RARB: variants seen among roughly 807,000 people sequenced by gnomAD.
The protein encoded by RARB is retinoic acid receptor beta, also known as HBV-activated protein.
A neutral mutation model predicts 51.9 loss-of-function variants in RARB; 17 were observed. The ratio of observed to expected loss-of-function variants is 0.33; its 90% CI spans 0.22 to 0.49. RARB has a LOEUF of 0.49. RARB is among the 20% of genes least tolerant of loss of function. The pLI, the probability that RARB is intolerant of heterozygous loss-of-function variation, is 0.99. For synonymous variants in RARB, 215 were observed against 195.4 expected, an observed-to-expected ratio of 1.10 and a Z score of -0.84; for missense variants, 369 against 550.8, an observed-to-expected ratio of 0.67 and a Z score of 3.30.
chr3:24,935,643 G>C (rs58790290), intron 2 of RARB, among the ~76,000 whole-genome samples: 27 of 152,134 alleles, frequency 1.8e-4, no homozygotes, highest in Non-Finnish European at 2.9e-4. Flanking sequence ...GACGTAGAAG[G>C]CACTGCCATA....
chr3:25,294,463 A>G (rs756867197), intron 5 of RARB, among the ~76,000 whole-genome samples: 9 of 152,314 alleles, frequency 5.9e-5, no homozygotes, highest in Non-Finnish European at 8.8e-5. Flanking sequence ...AGTTGGTCAT[A>G]CAGTTGATGT....
intron 2 of RARB, among the ~76,000 whole-genome samples, chr3:25,473,075 T>C (rs1695776254): frequency 6.6e-6 from 1 of 152,230 alleles, no homozygotes; most frequent in Non-Finnish European, 1.5e-5. Context: ...ACGCAATGCT[T>C]ATGTCCTGAA....
At chr3:25,016,945 T>A (rs9818222) in intron 2 of RARB, among the ~76,000 whole-genome samples, 20,690 of 152,108 alleles carry the variant, frequency 0.14, 1,905 homozygotes, top group African/African-American at 0.26. Context: ...TTAAAAGATT[T>A]TAGGAGAAGT....
At chr3:25,410,722 C>T (rs1707539312) in intron 5 of RARB, among the ~76,000 whole-genome samples, 1 of 152,210 alleles carries the variant, frequency 6.6e-6, no homozygotes, top group Admixed American at 6.5e-5. Context: ...CTCTATGCAG[C>T]TTTTTGTCCA....
intron 1 of RARB, among the ~76,000 whole-genome samples, chr3:25,433,169 T>A (rs1239024904): frequency 6.6e-6 from 1 of 152,204 alleles, no homozygotes; most frequent in African/African-American, 2.4e-5. Flanking sequence ...GCCTTTCAAA[T>A]TACAGGGTAG....
In RARB at chr3:25,268,085, C is replaced by A. The variant is rs150878233; in HGVS notation, c.178+93510C>A. ...AGATTTGTAAATAAAATTTTATAATCTTCCCAAACAAAAAAAGTGCTTGAG... is the reference window on the plus strand; with the variant it reads ...AGATTTGTAAATAAAATTTTATAATATTCCCAAACAAAAAAAGTGCTTGAG... On this transcript the variant is annotated intron_variant, in intron 5 of 11. Coordinates refer to the RARB transcript ENST00000383772. Among the ~76,000 whole-genome samples, 291 of 152,234 alleles carry A rather than the reference C, an allele frequency of 1.9e-3. 1 individual carries two copies. Among genetic ancestry groups the A allele is most frequent in the African/African-American group, 6.8e-3 (282 of 41,542 alleles).
chr3:25,077,558 A>G (rs962116178), intron 3 of RARB, among the ~76,000 whole-genome samples: 32 of 152,144 alleles, frequency 2.1e-4, no homozygotes, highest in Admixed American at 1.2e-3. Flanking sequence ...TGGTACTAAT[A>G]TATCTCTATT....
chr3:24,831,742 C>T (rs542029278), intron 1 of RARB, among the ~76,000 whole-genome samples: 4 of 151,820 alleles, frequency 2.6e-5, no homozygotes, highest in Non-Finnish European at 2.9e-5. Flanking sequence ...CAAATTTAAC[C>T]TACTTTAGGC....
chr3:25,174,972 T>A (rs1700715188), intron 5 of RARB, among the ~76,000 whole-genome samples: 1 of 152,214 alleles, frequency 6.6e-6, no homozygotes, highest in Non-Finnish European at 1.5e-5. Context: ...GGTTGTGAGA[T>A]CTTCTCTGAA....
intron 3 of RARB, among the ~76,000 whole-genome samples, chr3:25,536,174 A>T (rs1178416312): frequency 1.3e-5 from 2 of 152,210 alleles, no homozygotes; most frequent in African/African-American, 4.8e-5. Flanking sequence ...GTTGATAGGG[A>T]AACAAAAAAA....
chr3:25,138,897 C>T (rs1016799636), intron 4 of RARB, among the ~76,000 whole-genome samples: 1 of 152,128 alleles, frequency 6.6e-6, no homozygotes, highest in African/African-American at 2.4e-5. Context: ...TCTGTTAGCA[C>T]TGTTTCCAGC....
At chr3:24,868,604 C>G (rs1347274829) in intron 2 of RARB, among the ~76,000 whole-genome samples, 1 of 152,050 alleles carries the variant, frequency 6.6e-6, no homozygotes, top group Non-Finnish European at 1.5e-5. Flanking sequence ...TTGGACTTGC[C>G]TCATTATATC....
intron 5 of RARB, among the ~76,000 whole-genome samples, chr3:25,296,918 T>C (rs1023460208): frequency 1.4e-4 from 22 of 152,304 alleles, no homozygotes; most frequent in African/African-American, 4.1e-4. Flanking sequence ...TGAGAAGATA[T>C]GCCTTCAGTG....
intron 2 of RARB, among the ~76,000 whole-genome samples, chr3:24,940,129 G>C (rs2125399451): frequency 6.6e-6 from 1 of 152,310 alleles, no homozygotes; most frequent in Admixed American, 6.5e-5. Flanking sequence ...ATTGTTGGCA[G>C]TAATCTAGAC....
At chr3:25,219,610 G>A (rs548287404) in intron 5 of RARB, among the ~76,000 whole-genome samples, 111 of 152,204 alleles carry the variant, frequency 7.3e-4, no homozygotes, top group Non-Finnish European at 1.3e-3. Flanking sequence ...CTGAAGGGCC[G>A]CATGCTGCCC....
At chr3:25,357,726 A>G (rs1365776585) in intron 5 of RARB, among the ~76,000 whole-genome samples, 1 of 152,206 alleles carries the variant, frequency 6.6e-6, no homozygotes, top group Non-Finnish European at 1.5e-5. Flanking sequence ...AGTTTTCTGC[A>G]TATGGCTAGC....
chr3:25,237,631 C>T (rs1385793710), intron 5 of RARB, among the ~76,000 whole-genome samples: 1 of 152,034 alleles, frequency 6.6e-6, no homozygotes, highest in African/African-American at 2.4e-5. Context: ...AGTGTACAAT[C>T]CAGTGAGTTT....
chr3:24,926,847 A>G (rs1559399155), intron 2 of RARB, among the ~76,000 whole-genome samples: 1 of 152,090 alleles, frequency 6.6e-6, no homozygotes. Context: ...ATGAGGTTTA[A>G]TATATACTCC....
At chr3:25,292,839 C>A (rs1703822322) in intron 5 of RARB, among the ~76,000 whole-genome samples, 1 of 152,078 alleles carries the variant, frequency 6.6e-6, no homozygotes, top group African/African-American at 2.4e-5. Context: ...CATGGTCCTG[C>A]CCTATTCGAG....
Sources: gnomAD v4.1 joint callset for allele counts (sites outside exome capture counted in the v4.1 genomes callset) on GRCh38, gnomAD v4.1.1 for gene constraint, MANE v1.5 for transcripts, NCBI Gene and HGNC (gene_info 2026-07-23, HGNC 2026-07-21) for gene names.